The following C13orf46 variants were observed in gnomAD, a reference collection of about 807,000 sequenced individuals.
C13orf46 encodes uncharacterized protein C13orf46.
chr13:113,940,299 C>G, the C13orf46 span, among the ~76,000 whole-genome samples: 37 of 152,276 alleles, frequency 2.4e-4, no homozygotes, highest in Admixed American at 2.2e-3. Flanking sequence ...CCAAGCCCCC[C>G]ACCCCCAGAT....
At chr13:113,957,954 T>G (rs1208495026) in intron 6 of C13orf46, among the ~76,000 whole-genome samples, 1 of 91,874 alleles carries the variant, frequency 1.1e-5, no homozygotes, top group African/African-American at 4.3e-5. Context: ...TTTCATCAAG[T>G]GCACTGGGGG....
intron 3 of C13orf46, 21 bp downstream of exon 3, chr13:113,968,569 TGCACC>T (rs1372076412): frequency 6.6e-6 from 1 of 152,230 alleles, no homozygotes; most frequent in African/African-American, 2.4e-5. Flanking sequence ...GAGGAAAAAA[TGCACC>T]GCTCCTCAGC....
chr13:113,948,261 G>A, the C13orf46 span, among the ~76,000 whole-genome samples: 27 of 152,262 alleles, frequency 1.8e-4, no homozygotes, highest in Non-Finnish European at 3.5e-4. Flanking sequence ...AGGGACCAAC[G>A]TCTGCCTGGC....
At chr13:113,964,785 T>A (rs1264200961) in intron 6 of C13orf46, 142 bp downstream of exon 6, 3 of 152,138 alleles carry the variant, frequency 2.0e-5, no homozygotes, top group Admixed American at 6.5e-5. Flanking sequence ...GTGCTGAGCC[T>A]CGGCAGTGCC....
At chr13:113,960,031 T>C (rs1464892937) in intron 6 of C13orf46, among the ~76,000 whole-genome samples, 1 of 152,046 alleles carries the variant, frequency 6.6e-6, no homozygotes, top group Non-Finnish European at 1.5e-5. Context: ...GGCAGGCAGA[T>C]CATGAGGTCA....
downstream of C13orf46, chr13:113,953,673 C>A (rs1720617775): frequency 6.6e-6 from 1 of 152,256 alleles, no homozygotes; most frequent in Non-Finnish European, 1.5e-5. Flanking sequence ...ATGAGGCCAG[C>A]CACACGCGGC....
the C13orf46 span, among the ~76,000 whole-genome samples, chr13:113,929,997 T>C: frequency 1.3e-5 from 2 of 152,176 alleles, no homozygotes; most frequent in Non-Finnish European, 2.9e-5. Flanking sequence ...GTGGACAAAA[T>C]GTTGGGCCAG....
Position 113,955,416 on chromosome 13 carries a change from G to A in C13orf46, c.*1357C>T, listed in dbSNP as rs1341839659. Reference sequence around the variant, plus strand: ...GAGACGAGGAGCATCCGGCGGTGACGAGGAGCATCCGGCGGAGATGAGGAG... The same window carrying A: ...GAGACGAGGAGCATCCGGCGGTGACAAGGAGCATCCGGCGGAGATGAGGAG... On this transcript the variant is annotated 3_prime_UTR_variant, in exon 7 of 7. Coordinates refer to ENST00000636427, the MANE Select transcript of C13orf46 (RefSeq NM_001365455.2). The A allele has an allele frequency of 5.9e-5, 10 of 169,246 alleles. No homozygotes were observed. The highest frequency in any genetic ancestry group is 2.3e-4 in the South Asian group (2 of 8,790). 10.5% of individuals were successfully genotyped at this position (169,246 alleles called of 1,614,324 possible).
Position 113,953,878 on chromosome 13 carries a change from G to C in C13orf46, c.*2895C>G, listed in dbSNP as rs934357969. ...GCAACTGAGTCACACCCAACTGCCC[G>C]GCAGCCTGTCCAGGACAGCCCGTCC... On this transcript the variant is annotated 3_prime_UTR_variant, in exon 7 of 7. Coordinates refer to ENST00000636427, the MANE Select transcript of C13orf46 (RefSeq NM_001365455.2). The C allele has an allele frequency of 1.3e-5, 2 of 152,240 alleles. No homozygotes were observed. The highest frequency in any genetic ancestry group is 4.8e-5 in the African/African-American group (2 of 41,452). The allele number at this position is 152,240 out of a possible 1,614,324, so 9.4% of individuals were successfully genotyped here.
intron 1 of C13orf46, among the ~76,000 whole-genome samples, chr13:113,970,661 C>T (rs911451972): frequency 3.3e-5 from 5 of 152,376 alleles, no homozygotes; most frequent in East Asian, 1.9e-4. Context: ...CTTCCTCTCA[C>T]GGACAGGTGG....
the C13orf46 span, among the ~76,000 whole-genome samples, chr13:113,945,328 G>A: frequency 7.2e-5 from 11 of 152,084 alleles, 1 homozygote; most frequent in South Asian, 1.5e-3. Flanking sequence ...GGCGGATCAC[G>A]AGGTCAGGAG....
the C13orf46 span, among the ~76,000 whole-genome samples, chr13:113,941,863 C>T: frequency 1.3e-5 from 2 of 152,264 alleles, no homozygotes; most frequent in South Asian, 4.1e-4. Flanking sequence ...TGAGCAGTTC[C>T]TGCCACTGCT....
the C13orf46 span, among the ~76,000 whole-genome samples, chr13:113,945,612 GAA>G: frequency 1.1e-5 from 1 of 87,858 alleles, no homozygotes; most frequent in East Asian, 2.9e-4. Flanking sequence ...AAAGAAGAAA[GAA>G]AGAAAGAAAG....
At chr13:113,958,628 G>A (rs1266452869) in intron 6 of C13orf46, among the ~76,000 whole-genome samples, 2 of 152,254 alleles carry the variant, frequency 1.3e-5, no homozygotes, top group Non-Finnish European at 2.9e-5. Flanking sequence ...CAGAAACACG[G>A]CGTGGGGCAA....
intron 1 of C13orf46, among the ~76,000 whole-genome samples, chr13:113,970,662 G>A (rs986980968): frequency 1.3e-4 from 20 of 152,192 alleles, no homozygotes; most frequent in Admixed American, 1.1e-3. Flanking sequence ...TTCCTCTCAC[G>A]GACAGGTGGG....
At chr13:113,951,924 C>T (rs1380221050), downstream of C13orf46, among the ~76,000 whole-genome samples, 6 of 152,330 alleles carry the variant, frequency 3.9e-5, no homozygotes, top group South Asian at 6.2e-4. Flanking sequence ...ACCCCACTCT[C>T]GTAAGACAAC....
chr13:113,940,006 G>C, the C13orf46 span, among the ~76,000 whole-genome samples: 1 of 152,192 alleles, frequency 6.6e-6, no homozygotes, highest in African/African-American at 2.4e-5. Flanking sequence ...GACGCAGGGG[G>C]ACCAGGATGC....
At chr13:113,950,470 G>A (rs1396388112), downstream of C13orf46, among the ~76,000 whole-genome samples, 1 of 151,292 alleles carries the variant, frequency 6.6e-6, no homozygotes. Flanking sequence ...TGGGCACCTC[G>A]GTGCTCCCAT....
the C13orf46 span, among the ~76,000 whole-genome samples, chr13:113,933,044 T>C: frequency 2.0e-5 from 3 of 152,144 alleles, no homozygotes; most frequent in Admixed American, 6.5e-5. Context: ...TTTGTATTTT[T>C]AGTAGAAACA....
Sources: allele counts gnomAD v4.1 joint callset (sites outside exome capture counted in the v4.1 genomes callset), GRCh38; gene constraint gnomAD v4.1.1; transcripts MANE v1.5; gene names NCBI Gene and HGNC (gene_info 2026-07-23, HGNC 2026-07-21).